The following GSTM2 variants were observed in gnomAD, a reference collection of about 807,000 sequenced individuals.
The protein encoded by GSTM2 is glutathione S-transferase mu 2.
A neutral mutation model predicts 33.3 loss-of-function variants in GSTM2; 33 were observed. The ratio of observed to expected loss-of-function variants is 0.99; its 90% CI spans 0.75 to 1.33. The LOEUF (loss-of-function observed/expected upper bound fraction) is 1.33. Ranked by LOEUF, GSTM2 falls within the 40% of genes most tolerant of loss-of-function variation. The pLI, the probability that GSTM2 is intolerant of heterozygous loss-of-function variation, is 0.00. For synonymous variants in GSTM2, 93 were observed against 95.6 expected, an observed-to-expected ratio of 0.97 and a Z score of 0.16; for missense variants, 213 against 265.8, an observed-to-expected ratio of 0.80 and a Z score of 1.38.
chr1:109,669,516 A>C lies in GSTM2; in HGVS notation c.305A>C (p.Asn102Thr). 6.2e-7 allele frequency: 1 copy of C among 1,613,884 alleles called. No homozygotes were observed. Among genetic ancestry groups the C allele is most frequent in the South Asian group, 1.1e-5 (1 of 91,072 alleles). ...KEQIREDILE[N>T]QFMDSRMQLA... ...CAGATTCGCGAAGACATTTTGGAGA[A>C]CCAGTTTATGGACAGCCGTATGCAG... Residue 102 changes from asparagine (N) to threonine (T), a missense_variant, in exon 5 of 8, where the codon AAC (asparagine) becomes ACC (threonine). Asn to Thr is a moderately conservative substitution (Grantham distance 65). Transcript: ENST00000241337.
downstream of GSTM2, among the ~76,000 whole-genome samples, chr1:109,675,944 C>G (rs1647693192): frequency 6.6e-6 from 1 of 152,240 alleles, no homozygotes; most frequent in Non-Finnish European, 1.5e-5. Flanking sequence ...TTAAAGGACT[C>G]ACAGTTCCAC....
At chr1:109,670,780 C>A (rs1647509504) in intron 5 of GSTM2, 1 of 154,524 alleles carries the variant, frequency 6.5e-6, no homozygotes, top group Non-Finnish European at 1.4e-5. Flanking sequence ...GCGAATTTTC[C>A]TAACAGACAG....
intron 3 of GSTM2, 112 bp from the exon 4 acceptor site, chr1:109,669,178 C>T: frequency 2.2e-6 from 3 of 1,345,682 alleles, no homozygotes; most frequent in Non-Finnish European, 3.2e-6. Flanking sequence ...GTATTTCTAT[C>T]TCAGGCCTGC....
chr1:109,668,765 C>T, intron 2 of GSTM2, 160 bp from the exon 3 acceptor site: 1 of 937,896 alleles, frequency 1.1e-6, no homozygotes, highest in Non-Finnish European at 1.7e-6. Flanking sequence ...AGAGCCCTCA[C>T]TGGAATTCTT....
chr1:109,670,096 G>GGGAGGGGAGGGGAGGTGAGGGGGGA (rs1471086089), intron 5 of GSTM2: 1 of 566 alleles, frequency 1.8e-3, no homozygotes, highest in African/African-American at 7.6e-3. Flanking sequence ...GGCGGAGGTG[G>GGGAGGGGAGGGGAGGTGAGGGGGGA]GGGGGGAAAT....
Position 109,670,952 on chromosome 1 carries a change from A to T in GSTM2, c.361-335A>T, listed in dbSNP as rs544114725. ...TCTCTGAGCTCCTTTAGTTCTTTGC[A>T]TCCTTGATTCTGCTCATATCTGGTC... is the stretch of plus-strand genomic sequence containing the variant. On this transcript the variant is annotated intron_variant, in intron 5 of 7. Transcript: ENST00000241337. The T allele has an allele frequency of 5.0e-5, 12 of 239,014 alleles. No homozygotes were observed. In the East Asian group the frequency reaches 9.6e-4, roughly 19 times the overall value. The allele number at this position is 239,014 out of a possible 1,614,324, so 14.8% of individuals were successfully genotyped here.
chr1:109,668,478 AAAG>A lies in GSTM2; in HGVS notation c.94_96del (p.Lys32del). 1 of 1,614,154 alleles carries A rather than the reference AAAG, an allele frequency of 6.2e-7. No homozygotes were observed. The highest frequency in any genetic ancestry group is 2.2e-5 in the East Asian group (1 of 44,868). On this transcript the variant is annotated inframe_deletion, in exon 2 of 8. Transcript: ENST00000241337. ...AATACACAGACTCAAGCTACGAGGA[AAAG>A]AAGTACACGATGGGGGACGGTAATG...
rs1647655987 is a variant in GSTM2 at position 109,674,695 on chromosome 1, G to T, written c.568-52G>T. 26 of 1,613,446 alleles carry T rather than the reference G, an allele frequency of 1.6e-5. No homozygotes were observed. In the South Asian group the frequency reaches 2.7e-4, roughly 17 times the overall value. On this transcript the variant is annotated intron_variant, in intron 7 of 7. Coordinates refer to ENST00000241337, the MANE Select transcript of GSTM2 (RefSeq NM_000848.4). The stretch of plus-strand genomic sequence containing the variant: ...CTGTGTCTGCAGTGGGGTTGTGCCA[G>T]CCCTCATGGGCAGCTGACCTTGAGT...
chr1:109,671,705 CG>C, intron 7 of GSTM2, 122 bp downstream of exon 7: 1 of 735,176 alleles, frequency 1.4e-6, no homozygotes, highest in South Asian at 1.5e-5. Flanking sequence ...CGGTGGCTCA[CG>C]CCTGTAATCT....
intron 7 of GSTM2, among the ~76,000 whole-genome samples, chr1:109,682,366 A>G (rs140455269): frequency 0.82 from 40,682 of 49,724 alleles, 17,146 homozygotes; most frequent in East Asian, 1. Flanking sequence ...TCAGCCTCCC[A>G]AGTAGCTGGG....
chr1:109,676,693 G>C (rs1647712862), downstream of GSTM2, among the ~76,000 whole-genome samples: 1 of 152,112 alleles, frequency 6.6e-6, no homozygotes, highest in Non-Finnish European at 1.5e-5. Context: ...GTCATTCTGA[G>C]GTCTATAATT....
chr1:109,668,492 T>A lies in GSTM2; in HGVS notation c.104T>A (p.Met35Lys). The A allele has an allele frequency of 6.2e-7, 1 of 1,614,076 alleles. No homozygotes were observed. The highest frequency in any genetic ancestry group is 8.5e-7 in the Non-Finnish European group (1 of 1,179,966). The part of the protein sequence containing the change: ...DSSYEEKKYT[M>K]GDAPDYDRSQ... ...AGCTACGAGGAAAAGAAGTACACGA[T>A]GGGGGACGGTAATGGCACCCTCGAG... is the stretch of plus-strand genomic sequence containing the variant. Residue 35 changes from methionine (M) to lysine (K), a missense_variant, in exon 2 of 8, where the codon ATG (methionine) becomes AAG (lysine). By Grantham distance (95) the Met-to-Lys change is moderately conservative. Coordinates refer to ENST00000241337, the MANE Select transcript of GSTM2 (RefSeq NM_000848.4).
At chr1:109,673,545 G>T (rs1356045633) in intron 7 of GSTM2, 1 of 385,892 alleles carries the variant, frequency 2.6e-6, no homozygotes, top group African/African-American at 2.1e-5. Flanking sequence ...GGTCCAGGCT[G>T]AGTGGCCTTG....
Position 109,673,432 on chromosome 1 carries a change from T to A in GSTM2, c.568-1315T>A. On this transcript the variant is annotated intron_variant, in intron 7 of 7. Transcript: ENST00000241337. Reference sequence around the variant, plus strand: ...TACAGATTTGGGGATTTGAGGCATTTGTCCAACAGGCTTCTGAGCCTTGAA... The same window carrying A: ...TACAGATTTGGGGATTTGAGGCATTAGTCCAACAGGCTTCTGAGCCTTGAA... 5.8e-6 allele frequency: 4 copies of A among 685,598 alleles called. No homozygotes were observed. The South Asian group carries it at 7.5e-5, about 13-fold the overall frequency. The allele number at this position is 685,598 out of a possible 1,614,324, so 42.5% of individuals were successfully genotyped here. A position where few individuals can be genotyped will look rare whatever the true frequency, so the allele number is the denominator to read the frequency against.
downstream of GSTM2, among the ~76,000 whole-genome samples, chr1:109,679,812 T>C (rs1164745715): frequency 6.6e-6 from 1 of 152,196 alleles, no homozygotes; most frequent in East Asian, 1.9e-4. Flanking sequence ...GGTAAAATTA[T>C]TGTGTTTGTG....
At chr1:109,673,189 C>T in intron 7 of GSTM2, 2 of 1,611,116 alleles carry the variant, frequency 1.2e-6, no homozygotes, top group African/African-American at 2.7e-5. Context: ...CTTTTTTTCC[C>T]TCCAATGTTC....
At chr1:109,669,815 T>G in intron 5 of GSTM2, 1 of 514,142 alleles carries the variant, frequency 1.9e-6, no homozygotes. Flanking sequence ...GTGGTCTTGC[T>G]GACTTCAGGG....
chr1:109,668,114 C>T lies in GSTM2; in HGVS notation c.-2C>T, dbSNP rs754049253. The stretch of plus-strand genomic sequence containing the variant: ...TCTGCAGAATCCACAGCAACCAGCA[C>T]CATGCCCATGACACTGGGGTACTGG... On this transcript the variant is annotated 5_prime_UTR_variant, in exon 1 of 8. Coordinates refer to ENST00000241337, the MANE Select transcript of GSTM2 (RefSeq NM_000848.4). 1 of 1,614,028 alleles carries T rather than the reference C, an allele frequency of 6.2e-7. No homozygotes were observed. The highest frequency in any genetic ancestry group is 8.5e-7 in the Non-Finnish European group (1 of 1,179,884).
chr1:109,674,654 C>T (rs1352119613), intron 7 of GSTM2, 93 bp from the exon 8 acceptor site: 1 of 1,543,290 alleles, frequency 6.5e-7, no homozygotes, highest in Non-Finnish European at 8.9e-7. Context: ...AAGGCTGTGG[C>T]CAGGGCCCTG....
Sources: allele counts gnomAD v4.1 joint callset (sites outside exome capture counted in the v4.1 genomes callset), GRCh38; gene constraint gnomAD v4.1.1; transcripts MANE v1.5; gene names NCBI Gene and HGNC (gene_info 2026-07-23, HGNC 2026-07-21).